The following LETM1 variants were observed in gnomAD, a reference collection of about 807,000 sequenced individuals.
LETM1 encodes the protein leucine zipper and EF-hand containing transmembrane protein 1, also known as mitochondrial proton/calcium exchanger protein.
LETM1 carries 50 observed loss-of-function variants against 74.5 expected under a neutral mutation model. The observed-to-expected ratio is 0.67, with a 90% CI of 0.53 to 0.85. LETM1 has a LOEUF of 0.85. Among genes scored for constraint, LETM1 ranks in the 40% least tolerant of loss-of-function variants. The pLI is 0.00. For missense variants in LETM1, 824 were observed against 967.8 expected (o/e 0.85, Z 1.97); for synonymous variants, 446 against 407.1 (o/e 1.10, Z -1.15).
At chr4:1,826,907 G>T (rs1030770122) in intron 6 of LETM1, among the ~76,000 whole-genome samples, 2 of 152,118 alleles carry the variant, frequency 1.3e-5, no homozygotes, top group African/African-American at 4.8e-5. Context: ...CAGTGGAGTC[G>T]GCGCTCCACC....
rs1270194377 is a variant in LETM1 at position 1,816,950 on chromosome 4, T to A, written c.1744-36A>T. On this transcript the variant is annotated intron_variant, in intron 11 of 13. Coordinates refer to ENST00000302787, the MANE Select transcript of LETM1 (RefSeq NM_012318.3). ...TATTTTGGTTGTAAAAAGTTTGTCTTAAAAGAAAAAGGGGGTCAGGTGTAG... is the reference window on the plus strand; with the variant it reads ...TATTTTGGTTGTAAAAAGTTTGTCTAAAAAGAAAAAGGGGGTCAGGTGTAG... 4 of 1,581,306 alleles carry A rather than the reference T, an allele frequency of 2.5e-6. No homozygotes were observed. In the African/African-American group the frequency reaches 5.4e-5, roughly 21 times the overall value.
At chr4:1,848,715 C>CA (rs927486416) in intron 2 of LETM1, among the ~76,000 whole-genome samples, 15,060 of 43,434 alleles carry the variant, frequency 0.35, 2,619 homozygotes, top group Non-Finnish European at 0.4. Flanking sequence ...GGCTCTGTCT[C>CA]AAAAAAAAAA....
At chr4:1,849,661 A>T (rs1713002420) in intron 1 of LETM1, among the ~76,000 whole-genome samples, 1 of 152,150 alleles carries the variant, frequency 6.6e-6, no homozygotes, top group Non-Finnish European at 1.5e-5. Context: ...GGCTCAAGGG[A>T]TCCTTTTGCC....
At chr4:1,850,160 GA>G (rs113257680) in intron 1 of LETM1, among the ~76,000 whole-genome samples, 28 of 148,164 alleles carry the variant, frequency 1.9e-4, no homozygotes, top group African/African-American at 6.2e-4. Flanking sequence ...GTCTCAAAAA[GA>G]AAAAAAAAAT....
intron 12 of LETM1, 108 bp from the exon 13 acceptor site, chr4:1,815,910 G>A (rs1024483216): frequency 2.7e-5 from 38 of 1,392,880 alleles, no homozygotes; most frequent in Non-Finnish European, 3.4e-5. Context: ...AGGCGGCTCC[G>A]CGTGAGCCAG....
At chr4:1,816,628 G>T in intron 12 of LETM1, 99 bp downstream of exon 12, 1 of 1,166,932 alleles carries the variant, frequency 8.6e-7, no homozygotes. Flanking sequence ...GCTACAATGT[G>T]CCCTTTGGAG....
chr4:1,842,479 C>G (rs941214273), intron 2 of LETM1, among the ~76,000 whole-genome samples: 3 of 152,348 alleles, frequency 2.0e-5, no homozygotes, highest in African/African-American at 4.8e-5. Context: ...TTGCTTCACT[C>G]AGACCTCCCT....
intron 11 of LETM1, 97 bp from the exon 12 acceptor site, chr4:1,817,011 C>T: frequency 9.8e-7 from 1 of 1,019,854 alleles, no homozygotes; most frequent in South Asian, 1.5e-5. Context: ...TTTGCAAGGC[C>T]AAGGCGGGCG....
At chr4:1,828,253 C>T (rs1412599983) in intron 6 of LETM1, among the ~76,000 whole-genome samples, 8 of 121,122 alleles carry the variant, frequency 6.6e-5, no homozygotes, top group African/African-American at 1.6e-4. Context: ...CCCTCCCGGA[C>T]GGGGCGGCTG....
intron 11 of LETM1, among the ~76,000 whole-genome samples, 165 bp downstream of exon 11, chr4:1,819,173 G>C (rs1711686304): frequency 6.6e-6 from 1 of 151,958 alleles, no homozygotes; most frequent in Non-Finnish European, 1.5e-5. Flanking sequence ...GAATGGCTGT[G>C]GAAAGGTTAC....
chr4:1,841,941 G>T (rs893932467), intron 2 of LETM1, 144 bp from the exon 3 acceptor site: 9 of 681,260 alleles, frequency 1.3e-5, no homozygotes. Context: ...ACTTCCTGAC[G>T]TTTTGCACTG....
At chr4:1,827,461 T>G (rs1438952581) in intron 6 of LETM1, among the ~76,000 whole-genome samples, 3 of 113,820 alleles carry the variant, frequency 2.6e-5, no homozygotes, top group Non-Finnish European at 5.3e-5. Flanking sequence ...GTGTCCCTGA[T>G]TACTTGAGAT....
At chr4:1,819,743 T>A (rs1328347376) in intron 10 of LETM1, among the ~76,000 whole-genome samples, 1 of 152,192 alleles carries the variant, frequency 6.6e-6, no homozygotes, top group East Asian at 1.9e-4. Context: ...TTCACTACAG[T>A]CAAAGAGTCA....
chr4:1,851,093 G>C (rs1024014331), intron 1 of LETM1, among the ~76,000 whole-genome samples: 2 of 152,166 alleles, frequency 1.3e-5, no homozygotes, highest in Non-Finnish European at 2.9e-5. Flanking sequence ...CATAAAGTCA[G>C]AGTTCATTCG....
intron 1 of LETM1, among the ~76,000 whole-genome samples, chr4:1,853,275 C>T (rs1248573942): frequency 6.6e-6 from 1 of 152,216 alleles, no homozygotes; most frequent in African/African-American, 2.4e-5. Flanking sequence ...GGAGTCAGCC[C>T]TGCTTCTGCT....
Position 1,832,961 on chromosome 4 carries a change from C to G in LETM1, c.877-14G>C, listed in dbSNP as rs755541674. ...TGTTTCCCGGATCTGCGGAAGTGGT[C>G]ACAAGGGTCATCCCCGGGACACGCG... On this transcript the variant is annotated splice_polypyrimidine_tract_variant and intron_variant, in intron 5 of 13. Coordinates refer to ENST00000302787, the MANE Select transcript of LETM1 (RefSeq NM_012318.3). The G allele has an allele frequency of 6.2e-7, 1 of 1,611,656 alleles. No individual in the cohort carries two copies. Among genetic ancestry groups the G allele is most frequent in the Non-Finnish European group, 8.5e-7 (1 of 1,179,560 alleles).
intron 12 of LETM1, 131 bp downstream of exon 12, chr4:1,816,596 G>A: frequency 6.1e-6 from 5 of 822,956 alleles, no homozygotes; most frequent in Non-Finnish European, 9.5e-6. Context: ...CTGGTCAAAG[G>A]TGGAGAGGCA....
chr4:1,853,958 C>A (rs958570861), intron 1 of LETM1, among the ~76,000 whole-genome samples: 2 of 152,140 alleles, frequency 1.3e-5, no homozygotes, highest in Non-Finnish European at 2.9e-5. Flanking sequence ...ATGACAGAAT[C>A]GCACATAAAA....
At position 1,821,961 on chromosome 4, in the gene LETM1, G is replaced by A. The variant is rs1711793785; in HGVS notation, c.1608+220C>T. On this transcript the variant is annotated intron_variant, in intron 10 of 13. Transcript: ENST00000302787. ...AGTTCACGGCAGCGTCAGCTGCTGT[G>A]CACCCAGGCACAGTGCGGAGCCCGG... Among the ~76,000 whole-genome samples, 3 of 152,192 alleles carry A rather than the reference G, an allele frequency of 2.0e-5. No homozygotes were observed. The South Asian group carries it at 6.2e-4, about 32-fold the overall frequency.
Sources: gnomAD v4.1 joint callset for allele counts (sites outside exome capture counted in the v4.1 genomes callset) on GRCh38, gnomAD v4.1.1 for gene constraint, MANE v1.5 for transcripts, NCBI Gene and HGNC (gene_info 2026-07-23, HGNC 2026-07-21) for gene names.